TMTC1: variants seen among roughly 807,000 people sequenced by gnomAD.
The protein encoded by TMTC1 is protein O-mannosyl-transferase TMTC1.
TMTC1 carries 73 observed loss-of-function variants against 104.8 expected under a neutral mutation model. The observed-to-expected ratio is 0.70, with a 90% confidence interval of 0.58 to 0.85. The LOEUF (loss-of-function observed/expected upper bound fraction) is 0.85, where lower values mean the gene tolerates loss of function less well. Among genes scored for constraint, TMTC1 ranks in the 40% least tolerant of loss-of-function variants. TMTC1 has a pLI of 0.00. For synonymous variants in TMTC1, 434 were observed against 428.7 expected (o/e 1.01, Z -0.15); for missense variants, 1,035 against 1,096.1 (o/e 0.94, Z 0.79).
chr12:29,705,099 T>A (rs187549928), intron 5 of TMTC1, among the ~76,000 whole-genome samples: 1 of 152,280 alleles, frequency 6.6e-6, no homozygotes, highest in African/African-American at 2.4e-5. Flanking sequence ...TCAGAAGGCA[T>A]GAGCACCAGG....
intron 5 of TMTC1, among the ~76,000 whole-genome samples, chr12:29,739,815 T>G (rs1436305878): frequency 1.3e-5 from 2 of 151,632 alleles, no homozygotes; most frequent in Non-Finnish European, 2.9e-5. Flanking sequence ...TTCAAGAGAT[T>G]CTCATGCCTC....
chr12:29,527,154 C>T (rs1042998832), intron 11 of TMTC1, among the ~76,000 whole-genome samples: 1 of 152,110 alleles, frequency 6.6e-6, no homozygotes, highest in Non-Finnish European at 1.5e-5. Context: ...GATCACAGGT[C>T]ACTGTAGAAT....
Position 29,715,663 on chromosome 12 carries a change from A to G in TMTC1, c.938+36003T>C, listed in dbSNP as rs1480874101. ...CATTCTCATGCTGCTATGAAGAAGT[A>G]CCCAAGACTGGGTAATTTATAAAGA... On this transcript the variant is annotated intron_variant, in intron 5 of 17. Transcript: ENST00000539277. 1.8e-4 allele frequency among the ~76,000 whole-genome samples: 28 copies of G among 152,266 alleles called. 1 individual carries two copies. The highest frequency in any genetic ancestry group is 4.4e-5 in the Non-Finnish European group (3 of 68,024).
rs116130973 is a variant in TMTC1, at chr12:29,730,282, G to A, written c.938+21384C>T. On this transcript the variant is annotated intron_variant, in intron 5 of 17. Coordinates refer to ENST00000539277, the MANE Select transcript of TMTC1 (RefSeq NM_001193451.2). ...AGCCTAATTCCCACCAGCTGCCAAA[G>A]AACTACACCACAGGTGAATATTCAT... Among the ~76,000 whole-genome samples the A allele has an allele frequency of 9.8e-3, 1,498 of 152,314 alleles. 26 individuals are homozygous for A. The highest frequency in any genetic ancestry group is 0.032 in the African/African-American group (1,314 of 41,574).
chr12:29,539,616 T>C (rs914859811), intron 10 of TMTC1, among the ~76,000 whole-genome samples: 1 of 152,216 alleles, frequency 6.6e-6, no homozygotes, highest in Non-Finnish European at 1.5e-5. Context: ...TTGGCATCTA[T>C]TCTGCAGAAC....
At chr12:29,573,092 TTCC>T (rs1460679358) in intron 8 of TMTC1, among the ~76,000 whole-genome samples, 2 of 152,140 alleles carry the variant, frequency 1.3e-5, no homozygotes, top group Non-Finnish European at 2.9e-5. Context: ...AGGTCATCGC[TTCC>T]TCCTTGGTAT....
chr12:29,647,230 T>C (rs756701667), intron 5 of TMTC1, among the ~76,000 whole-genome samples: 2 of 152,052 alleles, frequency 1.3e-5, no homozygotes, highest in African/African-American at 4.8e-5. Context: ...ATATTGGTCA[T>C]GCTGGTCTCA....
At chr12:29,660,796 A>ATG (rs1455928585) in intron 5 of TMTC1, 3 of 1,166,748 alleles carry the variant, frequency 2.6e-6, no homozygotes, top group Non-Finnish European at 2.3e-6. Flanking sequence ...ATATATATAT[A>ATG]TACTTACATA....
intron 11 of TMTC1, among the ~76,000 whole-genome samples, chr12:29,524,142 T>C (rs1183894159): frequency 6.6e-6 from 1 of 152,212 alleles, no homozygotes; most frequent in African/African-American, 2.4e-5. Context: ...ATTTTACAAA[T>C]GGCTGTATGT....
intron 12 of TMTC1, chr12:29,519,631 G>A (rs1249219725): frequency 6.6e-6 from 1 of 152,152 alleles, no homozygotes; most frequent in African/African-American, 2.4e-5. Flanking sequence ...CAATGTCATA[G>A]GGTGGTCACA....
In TMTC1 at chr12:29,501,438, A is replaced by G. The variant is rs1943589641; in HGVS notation, c.*5408T>C. On this transcript the variant is annotated 3_prime_UTR_variant, in exon 18 of 18. Coordinates refer to ENST00000539277, the MANE Select transcript of TMTC1 (RefSeq NM_001193451.2). ...ACCGACGAGTCCTTTCATGGGTGGT[A>G]AACATGACTGGGAGACAATGGCTAA... 1 of 152,226 alleles carries G rather than the reference A, an allele frequency of 6.6e-6. No individual in the cohort carries two copies. The highest frequency in any genetic ancestry group is 2.1e-4 in the South Asian group (1 of 4,826). The allele number at this position is 152,226 out of a possible 1,614,324, so 9.4% of individuals were successfully genotyped here. A position where few individuals can be genotyped will look rare whatever the true frequency, so the allele number is the denominator to read the frequency against.
At chr12:29,665,271 C>T (rs6487842) in intron 5 of TMTC1, among the ~76,000 whole-genome samples, 92,392 of 152,104 alleles carry the variant, frequency 0.61, 29,158 homozygotes, top group African/African-American at 0.78. Flanking sequence ...GAACATTAAT[C>T]GAGGGTATTG....
chr12:29,582,906 GCTGA>G (rs556606440), intron 8 of TMTC1, among the ~76,000 whole-genome samples: 106 of 152,324 alleles, frequency 7.0e-4, no homozygotes, highest in Middle Eastern at 3.4e-3. Flanking sequence ...ATTTAGTGAG[GCTGA>G]CTAAGCCCCA....
chr12:29,604,372 T>G, intron 6 of TMTC1, 73 bp from the exon 7 acceptor site: 7 of 1,586,398 alleles, frequency 4.4e-6, no homozygotes, highest in Non-Finnish European at 5.2e-6. Flanking sequence ...AACCATCTCC[T>G]TCACTTTCAG....
intron 5 of TMTC1, among the ~76,000 whole-genome samples, chr12:29,738,846 G>A (rs1942751500): frequency 6.6e-6 from 1 of 152,116 alleles, no homozygotes; most frequent in Admixed American, 6.5e-5. Context: ...CATGGGCTAA[G>A]AAAACAAATG....
At chr12:29,547,513 A>G (rs1340682694) in intron 10 of TMTC1, among the ~76,000 whole-genome samples, 2 of 152,242 alleles carry the variant, frequency 1.3e-5, no homozygotes, top group African/African-American at 4.8e-5. Context: ...TTTCCCAGTA[A>G]CTTAATTTTG....
intron 11 of TMTC1, among the ~76,000 whole-genome samples, chr12:29,526,872 A>C (rs1349949706): frequency 2.0e-5 from 3 of 152,222 alleles, no homozygotes; most frequent in Admixed American, 2.0e-4. Flanking sequence ...AAGACATATC[A>C]GAATTTTAGG....
chr12:29,516,293 T>C, intron 15 of TMTC1, 56 bp downstream of exon 15: 2 of 1,563,170 alleles, frequency 1.3e-6, no homozygotes, highest in South Asian at 2.4e-5. Context: ...ATCACTTAGG[T>C]GCACCCCATG....
chr12:29,687,420 T>G (rs10771570), intron 5 of TMTC1, among the ~76,000 whole-genome samples: 32 of 152,182 alleles, frequency 2.1e-4, no homozygotes, highest in Middle Eastern at 3.4e-3. Flanking sequence ...TCATAAAAAG[T>G]CTCAATGCCA....
Sources: allele counts gnomAD v4.1 joint callset (sites outside exome capture counted in the v4.1 genomes callset), GRCh38; gene constraint gnomAD v4.1.1; transcripts MANE v1.5; gene names NCBI Gene and HGNC (gene_info 2026-07-23, HGNC 2026-07-21).